The following PLCL1 variants were observed in gnomAD, a reference collection of about 807,000 sequenced individuals.
PLCL1 encodes the protein phospholipase C like 1 (inactive), also known as inactive phospholipase C-like protein 1.
PLCL1 carries 41 observed loss-of-function variants against 84.4 expected under a neutral mutation model. The observed-to-expected ratio is 0.49, with a 90% confidence interval of 0.38 to 0.63. The LOEUF is 0.63. Among genes scored for constraint, PLCL1 ranks in the 30% least tolerant of loss-of-function variants. The pLI is 0.00. For missense variants in PLCL1, 1,206 were observed against 1,367.8 expected, an observed-to-expected ratio of 0.88 and a Z score of 1.87; for synonymous variants, 490 against 488.3, an observed-to-expected ratio of 1.00 and a Z score of -0.05.
At chr2:197,814,438 G>A (rs959400668) in intron 1 of PLCL1, among the ~76,000 whole-genome samples, 1 of 152,144 alleles carries the variant, frequency 6.6e-6, no homozygotes, top group African/African-American at 2.4e-5. Flanking sequence ...AAATGTGTGT[G>A]TTCTGACTGC....
intron 1 of PLCL1, among the ~76,000 whole-genome samples, chr2:197,828,436 G>A (rs1559017636): frequency 6.6e-6 from 1 of 151,936 alleles, no homozygotes; most frequent in Non-Finnish European, 1.5e-5. Context: ...TTGATTTTTT[G>A]CTAATTCATA....
At chr2:198,082,034 T>C (rs1559096814) in intron 1 of PLCL1, among the ~76,000 whole-genome samples, 1 of 152,204 alleles carries the variant, frequency 6.6e-6, no homozygotes, top group Admixed American at 6.5e-5. Context: ...TTAACTTCTA[T>C]ATAACACCCA....
intron 1 of PLCL1, among the ~76,000 whole-genome samples, chr2:197,808,111 T>G (rs1690518244): frequency 6.6e-6 from 1 of 152,222 alleles, no homozygotes; most frequent in African/African-American, 2.4e-5. Context: ...TTAAAAACGT[T>G]CAATGTGAGA....
chr2:197,864,050 A>G (rs973241870), intron 1 of PLCL1, among the ~76,000 whole-genome samples: 1 of 152,188 alleles, frequency 6.6e-6, no homozygotes, highest in Non-Finnish European at 1.5e-5. Context: ...TTTGAATGAC[A>G]GATTTAGCTC....
At chr2:197,928,818 G>A (rs1166730165) in intron 1 of PLCL1, among the ~76,000 whole-genome samples, 1 of 152,026 alleles carries the variant, frequency 6.6e-6, no homozygotes, top group Non-Finnish European at 1.5e-5. Flanking sequence ...AGTAAATGAA[G>A]CAACAGAATC....
intron 1 of PLCL1, among the ~76,000 whole-genome samples, chr2:197,833,544 G>C (rs1264597787): frequency 1.3e-5 from 2 of 152,090 alleles, no homozygotes; most frequent in Non-Finnish European, 2.9e-5. Context: ...TAGACAAACA[G>C]AGAGCCAAAT....
chr2:198,026,238 T>A (rs1691261823), intron 1 of PLCL1, among the ~76,000 whole-genome samples: 1 of 152,222 alleles, frequency 6.6e-6, no homozygotes, highest in Non-Finnish European at 1.5e-5. Context: ...GTTTATTTAT[T>A]GCAAGATTTC....
At position 198,120,022 on chromosome 2, in the gene PLCL1, G is replaced by T. The variant is rs78096835; in HGVS notation, c.3105+16086G>T. 2.6e-5 allele frequency among the ~76,000 whole-genome samples: 4 copies of T among 152,096 alleles called. No homozygotes were observed. The South Asian group carries it at 6.2e-4, about 24-fold the overall frequency. ...CCAAAGCTTGTTCTTCATATTGGGC[G>T]TTGTGTCCAACGTCACCATTGGATG... On this transcript the variant is annotated intron_variant, in intron 5 of 5. Coordinates refer to ENST00000428675, the MANE Select transcript of PLCL1 (RefSeq NM_006226.4).
At chr2:198,124,606 T>A (rs144983815) in intron 5 of PLCL1, among the ~76,000 whole-genome samples, 79 of 152,112 alleles carry the variant, frequency 5.2e-4, no homozygotes, top group African/African-American at 1.9e-3. Context: ...TCAATTAATT[T>A]TTTCATTCAA....
chr2:198,091,642 C>T lies in PLCL1; in HGVS notation c.2919+2581C>T, dbSNP rs1297760687. On this transcript the variant is annotated intron_variant, in intron 3 of 5. Transcript: ENST00000428675. Reference sequence around the variant, plus strand: ...TTGCAGTGAGCCGAGACTGCGCCATCGCACTCCAGCCTGGGTGACAGAGCA... The same window carrying T: ...TTGCAGTGAGCCGAGACTGCGCCATTGCACTCCAGCCTGGGTGACAGAGCA... Among the ~76,000 whole-genome samples the T allele has an allele frequency of 4.0e-5, 6 of 150,028 alleles. No individual in the cohort carries two copies. The South Asian group carries it at 6.3e-4, about 16-fold the overall frequency.
intron 1 of PLCL1, chr2:197,810,446 A>C (rs189522184): frequency 3.1e-4 from 112 of 363,016 alleles, no homozygotes; most frequent in African/African-American, 2.2e-3. Context: ...GGCTAAAAAA[A>C]GTGTAAGTTA....
chr2:198,085,610 C>T lies in PLCL1; in HGVS notation c.2093C>T (p.Ser698Phe), dbSNP rs763406357. ...NGGCGYVLRP[S>F]IMRDEVSYFS... ...GGATGTGGTTATGTTCTAAGGCCGT[C>T]TATAATGCGAGATGAAGTTTCTTAC... is the stretch of plus-strand genomic sequence containing the variant. Residue 698 changes from serine (S) to phenylalanine (F), a missense_variant, in exon 2 of 6, where the codon TCT (serine) becomes TTT (phenylalanine). Ser to Phe is a radical substitution (Grantham distance 155). Coordinates refer to ENST00000428675, the MANE Select transcript of PLCL1 (RefSeq NM_006226.4). The surrounding 1 kb of genome is among the most constrained non-coding windows in gnomAD (Gnocchi z 5.3). 2.5e-6 allele frequency: 4 copies of T among 1,614,072 alleles called. No individual in the cohort carries two copies. Among genetic ancestry groups the T allele is most frequent in the Non-Finnish European group, 3.4e-6 (4 of 1,179,984 alleles).
chr2:198,035,454 C>A (rs1204722100), intron 1 of PLCL1, among the ~76,000 whole-genome samples: 1 of 152,144 alleles, frequency 6.6e-6, no homozygotes, highest in Non-Finnish European at 1.5e-5. Context: ...CAAGATAAGC[C>A]TGGAACAGGT....
chr2:197,986,843 A>C (rs1231847409), intron 1 of PLCL1, among the ~76,000 whole-genome samples: 1 of 152,350 alleles, frequency 6.6e-6, no homozygotes, highest in South Asian at 2.1e-4. Flanking sequence ...TAGAGTTTAC[A>C]AAGTGCTTCC....
intron 1 of PLCL1, chr2:198,001,948 C>T: frequency 2.3e-6 from 1 of 431,244 alleles, no homozygotes; most frequent in South Asian, 1.7e-5. Context: ...CCTATCACCC[C>T]CAGATGGGAC....
At chr2:197,840,546 G>T (rs1686974756) in intron 1 of PLCL1, among the ~76,000 whole-genome samples, 1 of 152,056 alleles carries the variant, frequency 6.6e-6, no homozygotes, top group Non-Finnish European at 1.5e-5. Flanking sequence ...GAGACTGAGG[G>T]TGGGTAAGGC....
intron 1 of PLCL1, among the ~76,000 whole-genome samples, chr2:197,870,862 G>A (rs1165372258): frequency 1.3e-5 from 2 of 152,012 alleles, no homozygotes; most frequent in Non-Finnish European, 1.5e-5. Context: ...TACTACTGGG[G>A]GGAAAAGAGA....
chr2:198,008,967 C>T (rs1408663559), intron 1 of PLCL1, among the ~76,000 whole-genome samples: 3 of 151,956 alleles, frequency 2.0e-5, no homozygotes, highest in Non-Finnish European at 4.4e-5. Flanking sequence ...ATGTTATCAT[C>T]TTTTCAAGTG....
intron 1 of PLCL1, among the ~76,000 whole-genome samples, chr2:197,826,355 T>C (rs1690928596): frequency 6.6e-6 from 1 of 152,210 alleles, no homozygotes; most frequent in African/African-American, 2.4e-5. Flanking sequence ...AAGGAATTTC[T>C]TAATTCTGAT....
Sources: gnomAD v4.1 joint callset for allele counts (sites outside exome capture counted in the v4.1 genomes callset) on GRCh38, gnomAD v4.1.1 for gene constraint, Gnocchi (gnomAD v3.1) non-coding constraint, MANE v1.5 for transcripts, NCBI Gene and HGNC (gene_info 2026-07-23, HGNC 2026-07-21) for gene names.